NTF3: variants seen among roughly 807,000 people sequenced by gnomAD.
The protein encoded by NTF3 is neurotrophin-3.
NTF3 carries 8 observed loss-of-function variants against 26.3 expected under a neutral mutation model. The observed-to-expected ratio is 0.30, with a 90% CI of 0.18 to 0.55. The LOEUF is 0.55. Among genes scored for constraint, NTF3 ranks in the 20% least tolerant of loss-of-function variants. NTF3 has a pLI of 0.93. For synonymous variants in NTF3, 154 were observed against 145.5 expected (o/e 1.06, Z -0.42); for missense variants, 276 against 352.9 (o/e 0.78, Z 1.75).
intron 1 of NTF3, among the ~76,000 whole-genome samples, chr12:5,491,469 G>GA (rs1940935242): frequency 6.6e-6 from 1 of 152,186 alleles, no homozygotes; most frequent in Non-Finnish European, 1.5e-5. Flanking sequence ...AGGTTGCAAG[G>GA]AAGTGGCAGG....
chr12:5,486,557 C>T (rs1346001593), intron 1 of NTF3, among the ~76,000 whole-genome samples: 2 of 152,158 alleles, frequency 1.3e-5, no homozygotes, highest in Admixed American at 6.5e-5. Context: ...TTGCAGACAA[C>T]GTATACACTA....
intron 1 of NTF3, among the ~76,000 whole-genome samples, chr12:5,458,349 T>TCA (rs961092868): frequency 6.6e-6 from 1 of 152,144 alleles, no homozygotes; most frequent in Non-Finnish European, 1.5e-5. Flanking sequence ...GGGCTCCCTA[T>TCA]CACACACTCC....
At chr12:5,444,747 C>G (rs748839789) in intron 1 of NTF3, among the ~76,000 whole-genome samples, 2 of 152,120 alleles carry the variant, frequency 1.3e-5, no homozygotes, top group African/African-American at 4.8e-5. Flanking sequence ...AAAGATCCCT[C>G]CGGCTGCAGT....
At chr12:5,441,475 A>C (rs566964249) in intron 1 of NTF3, among the ~76,000 whole-genome samples, 13,705 of 152,248 alleles carry the variant, frequency 0.09, 652 homozygotes, top group South Asian at 0.12. Context: ...ATCATTGCTT[A>C]ACCTGGGATA....
intron 1 of NTF3, among the ~76,000 whole-genome samples, chr12:5,461,069 G>T (rs374638408): frequency 7.2e-5 from 11 of 152,120 alleles, no homozygotes; most frequent in Non-Finnish European, 1.3e-4. Flanking sequence ...GAGTGGGATT[G>T]GGGGGGAAGG....
In NTF3 at chr12:5,495,031, A is replaced by G. The variant is rs573765603; in HGVS notation, c.*43A>G. On this transcript the variant is annotated 3_prime_UTR_variant, in exon 2 of 2. Coordinates refer to ENST00000423158, the MANE Select transcript of NTF3 (RefSeq NM_001102654.2). ...TATATAAATTATTACTTTAAATTATATGATATGCATGTAGCATATAAATGT... is the reference window on the plus strand; with the variant it reads ...TATATAAATTATTACTTTAAATTATGTGATATGCATGTAGCATATAAATGT... 1.5e-5 allele frequency: 22 copies of G among 1,512,980 alleles called. No homozygotes were observed. In the African/African-American group the frequency reaches 2.9e-4, roughly 20 times the overall value. 93.7% of individuals were successfully genotyped at this position (1,512,980 alleles called of 1,614,324 possible).
At chr12:5,444,200 G>A (rs995616821) in intron 1 of NTF3, among the ~76,000 whole-genome samples, 9 of 152,164 alleles carry the variant, frequency 5.9e-5, no homozygotes, top group African/African-American at 1.7e-4. Context: ...CATTAGAGAC[G>A]GTCAGCTTTT....
intron 1 of NTF3, among the ~76,000 whole-genome samples, chr12:5,475,982 T>G (rs1940719392): frequency 6.6e-6 from 1 of 150,882 alleles, no homozygotes; most frequent in African/African-American, 2.4e-5. Flanking sequence ...AAAGAGAAAA[T>G]ACACCTGGGA....
chr12:5,478,683 T>G (rs1940753024), intron 1 of NTF3, among the ~76,000 whole-genome samples: 1 of 152,262 alleles, frequency 6.6e-6, no homozygotes, highest in Non-Finnish European at 1.5e-5. Flanking sequence ...TTAGACTGCA[T>G]GTCTAGAAAC....
intron 1 of NTF3, among the ~76,000 whole-genome samples, chr12:5,440,491 C>T (rs1465060287): frequency 6.6e-6 from 1 of 152,136 alleles, no homozygotes; most frequent in African/African-American, 2.4e-5. Context: ...TTAGTTTCAT[C>T]CCACATCTAG....
intron 1 of NTF3, among the ~76,000 whole-genome samples, chr12:5,467,777 G>A (rs2052355): frequency 0.094 from 14,290 of 152,046 alleles, 838 homozygotes; most frequent in East Asian, 0.21. Flanking sequence ...TTTAAATGCC[G>A]CCGTCATTTC....
intron 1 of NTF3, among the ~76,000 whole-genome samples, chr12:5,459,760 G>A (rs573671080): frequency 2.0e-5 from 3 of 152,154 alleles, no homozygotes; most frequent in East Asian, 1.9e-4. Flanking sequence ...GAGGGGCTGC[G>A]TTCCTTCAAT....
intron 1 of NTF3, among the ~76,000 whole-genome samples, chr12:5,442,848 C>T (rs1442745429): frequency 6.6e-6 from 1 of 152,160 alleles, no homozygotes. Flanking sequence ...TGCGAGGTGC[C>T]GTGTGGGATA....
intron 1 of NTF3, among the ~76,000 whole-genome samples, chr12:5,465,309 T>C (rs1372963811): frequency 6.6e-6 from 1 of 152,240 alleles, no homozygotes; most frequent in Non-Finnish European, 1.5e-5. Flanking sequence ...ATAGGGCAGC[T>C]GACACACCTT....
intron 1 of NTF3, among the ~76,000 whole-genome samples, chr12:5,481,667 C>A: frequency 7.7e-6 from 1 of 129,650 alleles, no homozygotes; most frequent in African/African-American, 2.9e-5. Flanking sequence ...TACACACATG[C>A]ACACACATGT....
At chr12:5,483,452 G>A (rs1591606443) in intron 1 of NTF3, among the ~76,000 whole-genome samples, 1 of 152,110 alleles carries the variant, frequency 6.6e-6, no homozygotes, top group South Asian at 2.1e-4. Context: ...CCTCATCCAG[G>A]TACTGAATGA....
In NTF3 at chr12:5,494,710, A is replaced by G. The variant is rs1164008536; in HGVS notation, c.535A>G (p.Ile179Val). The change falls in exon 2 of 2, where the codon ATC becomes GTC. Residue 179 changes from isoleucine (I) to valine (V), a missense_variant. Physicochemically the swap from Ile to Val is conservative, Grantham distance 29. This residue lies in a region of NTF3 where 221 missense variants were observed against 258.2 expected (regional missense o/e 0.86). Transcript: ENST00000423158. The surrounding 1 kb of genome is among the most constrained non-coding windows in gnomAD (Gnocchi z 8.3). Reference protein sequence around the residue: ...SLWVTDKSSAIDIRGHQVTVL... With the variant: ...SLWVTDKSSAVDIRGHQVTVL... ...GTGGGTGACCGACAAGTCATCGGCC[A>G]TCGACATTCGGGGACACCAGGTCAC... The G allele has an allele frequency of 3.7e-6, 6 of 1,614,076 alleles. No individual in the cohort carries two copies. Among genetic ancestry groups the G allele is most frequent in the Non-Finnish European group, 5.1e-6 (6 of 1,180,044 alleles).
chr12:5,494,077 G>T lies in NTF3; in HGVS notation c.19-117G>T. 1.1e-6 allele frequency: 1 copy of T among 895,950 alleles called. No individual in the cohort carries two copies. The allele number at this position is 895,950 out of a possible 1,614,324, so 55.5% of individuals were successfully genotyped here. On this transcript the variant is annotated intron_variant, in intron 1 of 1. Transcript: ENST00000423158. The surrounding 1 kb of genome is among the most constrained non-coding windows in gnomAD (Gnocchi z 8.3). ...AGAGGGGAGTTGCCTTGCTTACCTG[G>T]GGGGCGGTACCCTCTCTCGTGCCCT... is the stretch of plus-strand genomic sequence containing the variant.
chr12:5,470,079 C>A (rs1164329107), intron 1 of NTF3, among the ~76,000 whole-genome samples: 1 of 152,160 alleles, frequency 6.6e-6, no homozygotes, highest in Non-Finnish European at 1.5e-5. Flanking sequence ...TGCCCGCCAC[C>A]ATGCCTGGCT....
Sources: gnomAD v4.1 joint callset for allele counts (sites outside exome capture counted in the v4.1 genomes callset) on GRCh38, gnomAD v4.1.1 for gene constraint, gnomAD v4.1.1 regional missense constraint, Gnocchi (gnomAD v3.1) non-coding constraint, MANE v1.5 for transcripts, NCBI Gene and HGNC (gene_info 2026-07-23, HGNC 2026-07-21) for gene names.